Variants in KRT7 observed in about 807,000 individuals in gnomAD.
KRT7 encodes the protein keratin, type II cytoskeletal 7.
Under a neutral mutation model 42.8 loss-of-function variants are expected in KRT7, and 50 were observed. The ratio of observed to expected loss-of-function variants is 1.17; its 90% CI spans 0.93 to 1.48. The LOEUF (loss-of-function observed/expected upper bound fraction) is 1.48. Ranked by LOEUF, KRT7 falls within the 40% of genes most tolerant of loss-of-function variation. KRT7 has a pLI of 0.00. For synonymous variants in KRT7, 268 were observed against 266.3 expected, an observed-to-expected ratio of 1.01 and a Z score of -0.06; for missense variants, 588 against 637.6, an observed-to-expected ratio of 0.92 and a Z score of 0.84.
chr12:52,244,307 T>A (rs1034625641), intron 6 of KRT7: 32 of 985,120 alleles, frequency 3.2e-5, no homozygotes, highest in Middle Eastern at 5.2e-4. Context: ...AAGCACAGAA[T>A]AACAAATGGT....
intron 1 of KRT7, among the ~76,000 whole-genome samples, chr12:52,234,212 C>T (rs112556512): frequency 6.6e-6 from 1 of 151,698 alleles, no homozygotes; most frequent in Non-Finnish European, 1.5e-5. Flanking sequence ...GTTATACCTG[C>T]CCTTGAAGAC....
intron 4 of KRT7, among the ~76,000 whole-genome samples, chr12:52,240,110 C>G (rs1942064984): frequency 6.6e-6 from 1 of 152,180 alleles, no homozygotes; most frequent in Non-Finnish European, 1.5e-5. Context: ...CTTCTAATCT[C>G]AGGTCTTCCT....
At chr12:52,248,046 G>A in intron 7 of KRT7, 131 bp from the exon 8 acceptor site, 1 of 855,442 alleles carries the variant, frequency 1.2e-6, no homozygotes. Context: ...AAGGCTGAAG[G>A]CAGGCTGGAA....
At chr12:52,245,997 A>C in intron 7 of KRT7, 2 of 248,962 alleles carry the variant, frequency 8.0e-6, no homozygotes, top group Non-Finnish European at 7.7e-6. Context: ...AATTGAGGGA[A>C]TAGGGCCAGA....
chr12:52,251,323 A>G (rs552754873), downstream of KRT7, among the ~76,000 whole-genome samples: 9 of 152,322 alleles, frequency 5.9e-5, no homozygotes, highest in African/African-American at 1.9e-4. Context: ...CCACACTGGA[A>G]GAAGAAGAAT....
At chr12:52,253,776 T>C, downstream of KRT7, 1 of 788,918 alleles carries the variant, frequency 1.3e-6, no homozygotes, top group Non-Finnish European at 2.0e-6. Context: ...CTGCAGGAGA[T>C]GGGGAGTGGC....
intron 4 of KRT7, 60 bp downstream of exon 4, chr12:52,238,835 C>G: frequency 9.5e-7 from 1 of 1,055,998 alleles, no homozygotes; most frequent in Non-Finnish European, 1.5e-6. Flanking sequence ...AGGGAGCCAT[C>G]TGGTCCAGCC....
At chr12:52,252,578 C>T (rs1419705867), downstream of KRT7, 1 of 1,461,468 alleles carries the variant, frequency 6.8e-7, no homozygotes, top group Non-Finnish European at 9.2e-7. Flanking sequence ...GAAAAAGAGG[C>T]CTTGTCTATT....
intron 6 of KRT7, 60 bp from the exon 7 acceptor site, chr12:52,245,352 A>G (rs1239383860): frequency 6.4e-7 from 1 of 1,570,690 alleles, no homozygotes; most frequent in Non-Finnish European, 8.7e-7. Context: ...TCACTGCAGG[A>G]TGGGCAGGCA....
chr12:52,237,624 C>T, intron 3 of KRT7, 55 bp downstream of exon 3: 1 of 1,452,004 alleles, frequency 6.9e-7, no homozygotes. Context: ...GGACAAAGGA[C>T]CACAGGATCC....
Position 52,233,254 on chromosome 12 carries a change from G to T in KRT7, c.-43G>T, listed in dbSNP as rs375188532. 49 of 1,430,988 alleles carry T rather than the reference G, an allele frequency of 3.4e-5. No homozygotes were observed. In the African/African-American group the frequency reaches 6.9e-4, roughly 20 times the overall value. 88.6% of individuals were successfully genotyped at this position (1,430,988 alleles called of 1,614,324 possible). A position where few individuals can be genotyped will look rare whatever the true frequency, so the allele number is the denominator to read the frequency against. On this transcript the variant is annotated 5_prime_UTR_variant, in exon 1 of 9. Coordinates refer to ENST00000331817, the MANE Select transcript of KRT7 (RefSeq NM_005556.4). Reference sequence around the variant, plus strand: ...GTGTCCCCGAGGTCAGCGAGTGCGCGCTCCTCCTCGCCCGCCGCTAGGTCC... The same window carrying T: ...GTGTCCCCGAGGTCAGCGAGTGCGCTCTCCTCCTCGCCCGCCGCTAGGTCC...
At position 52,233,637 on chromosome 12, in the gene KRT7, C is replaced by G. The variant is rs1341915196; in HGVS notation, c.324+17C>G. 1 of 1,610,242 alleles carries G rather than the reference C, an allele frequency of 6.2e-7. No individual in the cohort carries two copies. Among genetic ancestry groups the G allele is most frequent in the Non-Finnish European group, 8.5e-7 (1 of 1,178,240 alleles). Reference sequence around the variant, plus strand: ...ATCGACAAGGTGAGCGGGACTGGACCTCGCCTCTCCTCGAGCCGCGCTCCA... The same window carrying G: ...ATCGACAAGGTGAGCGGGACTGGACGTCGCCTCTCCTCGAGCCGCGCTCCA... On this transcript the variant is annotated intron_variant, in intron 1 of 8. Transcript: ENST00000331817.
downstream of KRT7, chr12:52,251,961 A>G (rs908961421): frequency 3.5e-5 from 20 of 577,500 alleles, no homozygotes; most frequent in South Asian, 2.7e-4. Flanking sequence ...CTGAAGCTCT[A>G]AGAAAAAGTT....
In KRT7 at chr12:52,233,250, G is replaced by A; in HGVS notation, c.-47G>A. 7.1e-7 allele frequency: 1 copy of A among 1,415,070 alleles called. No individual in the cohort carries two copies. Among genetic ancestry groups the A allele is most frequent in the East Asian group, 2.8e-5 (1 of 35,174 alleles). 87.7% of individuals were successfully genotyped at this position (1,415,070 alleles called of 1,614,324 possible). ...CGGAGTGTCCCCGAGGTCAGCGAGTGCGCGCTCCTCCTCGCCCGCCGCTAG... is the reference window on the plus strand; with the variant it reads ...CGGAGTGTCCCCGAGGTCAGCGAGTACGCGCTCCTCCTCGCCCGCCGCTAG... On this transcript the variant is annotated 5_prime_UTR_variant, in exon 1 of 9. Coordinates refer to ENST00000331817, the MANE Select transcript of KRT7 (RefSeq NM_005556.4).
At chr12:52,253,328 A>C, downstream of KRT7, 1 of 1,612,818 alleles carries the variant, frequency 6.2e-7, no homozygotes, top group Non-Finnish European at 8.5e-7. Flanking sequence ...CGTGGCCTTC[A>C]TCTCCTCACA....
intron 3 of KRT7, 86 bp from the exon 4 acceptor site, chr12:52,238,594 C>T (rs1360047876): frequency 2.5e-6 from 2 of 811,474 alleles, no homozygotes; most frequent in Non-Finnish European, 4.4e-6. Context: ...GTGGGTTGGA[C>T]AGGGCAGGCC....
downstream of KRT7, chr12:52,253,864 C>T (rs1053478867): frequency 1.1e-5 from 5 of 442,826 alleles, no homozygotes; most frequent in African/African-American, 4.0e-5. Context: ...CCTGCTTCTT[C>T]GATGTCTGAA....
At chr12:52,238,857 T>C in intron 4 of KRT7, 82 bp downstream of exon 4, 1 of 877,694 alleles carries the variant, frequency 1.1e-6, no homozygotes, top group South Asian at 1.4e-5. Context: ...CCCGCCTCTG[T>C]GTCAGTCCAG....
At chr12:52,250,463 C>A (rs1344247121), downstream of KRT7, 1 of 569,124 alleles carries the variant, frequency 1.8e-6, no homozygotes, top group Non-Finnish European at 3.3e-6. Context: ...CAAAGTGGGG[C>A]GCTCAGGCGA....
Sources: allele counts gnomAD v4.1 joint callset (sites outside exome capture counted in the v4.1 genomes callset), GRCh38; gene constraint gnomAD v4.1.1; transcripts MANE v1.5; gene names NCBI Gene and HGNC (gene_info 2026-07-23, HGNC 2026-07-21).